SHLD1: variants seen among roughly 807,000 people sequenced by gnomAD.
SHLD1 encodes shieldin complex subunit 1.
Under a neutral mutation model 5.5 loss-of-function variants are expected in SHLD1, and 3 were observed. The observed-to-expected ratio is 0.54, with a 90% CI of 0.25 to 1.40. SHLD1 has a LOEUF of 1.40. Among genes scored for constraint, SHLD1 ranks in the 40% most tolerant of loss-of-function variants. The pLI, the probability that SHLD1 is intolerant of heterozygous loss-of-function variation, is 0.15. For missense variants in SHLD1, 210 were observed against 244.4 expected (o/e 0.86, Z 0.94); for synonymous variants, 92 against 94.3 (o/e 0.98, Z 0.14).
chr20:5,849,850 T>G (rs1005996792), intron 2 of SHLD1, among the ~76,000 whole-genome samples: 11 of 149,360 alleles, frequency 7.4e-5, no homozygotes, highest in Admixed American at 1.3e-4. Flanking sequence ...TCCCAGCTAC[T>G]CGGGAGGCTG....
intron 1 of SHLD1, among the ~76,000 whole-genome samples, chr20:5,768,201 T>C (rs867152333): frequency 2.6e-5 from 4 of 152,200 alleles, no homozygotes; most frequent in Admixed American, 6.5e-5. Context: ...CTGAAACTGC[T>C]GACCTCAGGT....
intron 2 of SHLD1, among the ~76,000 whole-genome samples, chr20:5,784,697 G>A (rs577071378): frequency 4.6e-5 from 7 of 152,216 alleles, no homozygotes; most frequent in African/African-American, 7.2e-5. Context: ...TGATCCGCCC[G>A]CCTCAGCCTC....
At chr20:5,842,013 A>G (rs1447417901) in intron 2 of SHLD1, among the ~76,000 whole-genome samples, 1 of 152,222 alleles carries the variant, frequency 6.6e-6, no homozygotes, top group Non-Finnish European at 1.5e-5. Context: ...ATTTTTATAA[A>G]ACCAACCTAG....
chr20:5,791,665 C>T (rs1288116174), intron 2 of SHLD1, among the ~76,000 whole-genome samples: 1 of 151,150 alleles, frequency 6.6e-6, no homozygotes, highest in African/African-American at 2.4e-5. Flanking sequence ...AAAACCTTTG[C>T]TTTGTGAAAG....
At chr20:5,859,940 A>G (rs945085287) in intron 2 of SHLD1, among the ~76,000 whole-genome samples, 2 of 152,208 alleles carry the variant, frequency 1.3e-5, no homozygotes, top group Non-Finnish European at 2.9e-5. Flanking sequence ...TAAATCCTGC[A>G]TATCAAAGCA....
At chr20:5,847,461 A>G (rs1205702875) in intron 2 of SHLD1, among the ~76,000 whole-genome samples, 1 of 152,306 alleles carries the variant, frequency 6.6e-6, no homozygotes, top group South Asian at 2.1e-4. Context: ...ATCGCTTTCC[A>G]TGTAAGAGAC....
chr20:5,796,878 T>TGCA (rs2087221033), intron 2 of SHLD1, among the ~76,000 whole-genome samples: 1 of 151,530 alleles, frequency 6.6e-6, no homozygotes, highest in African/African-American at 2.4e-5. Flanking sequence ...GATAATTGGC[T>TGCA]GCAGTTTTAC....
intron 2 of SHLD1, among the ~76,000 whole-genome samples, chr20:5,825,854 G>T (rs1176314073): frequency 2.0e-5 from 3 of 152,238 alleles, no homozygotes; most frequent in African/African-American, 7.2e-5. Context: ...GACCTTAAAT[G>T]ATATTGATCA....
intron 2 of SHLD1, among the ~76,000 whole-genome samples, chr20:5,779,788 AGCTTGT>A (rs1051474826): frequency 1.3e-5 from 2 of 152,036 alleles, no homozygotes; most frequent in African/African-American, 4.8e-5. Context: ...ACCTTCATGT[AGCTTGT>A]GCTTGGCTCA....
intron 1 of SHLD1, among the ~76,000 whole-genome samples, chr20:5,764,207 ATTTG>A (rs1164008455): frequency 5.5e-4 from 20 of 36,060 alleles, no homozygotes; most frequent in African/African-American, 2.5e-3. Context: ...ATATATATAT[ATTTG>A]TGTGTGTGTA....
At chr20:5,800,563 A>G (rs568710) in intron 2 of SHLD1, among the ~76,000 whole-genome samples, 136,766 of 152,108 alleles carry the variant, frequency 0.9, 61,565 homozygotes, top group East Asian at 1. Flanking sequence ...GGTGGCAGAC[A>G]CCTGTAATCC....
In SHLD1 at chr20:5,863,475, C is replaced by T. The variant is rs1699232; in HGVS notation, c.*12C>T. The stretch of plus-strand genomic sequence containing the variant: ...TGAAAGACCTGTAACTGGTGCCGGG[C>T]AGTGTGCAGGGTAGTAATGGAGGTG... On this transcript the variant is annotated 3_prime_UTR_variant, in exon 3 of 3. Coordinates refer to ENST00000303142, the MANE Select transcript of SHLD1 (RefSeq NM_152504.4). The T allele has an allele frequency of 0.3, 469,961 of 1,580,424 alleles. 71,777 individuals are homozygous for T. The highest frequency in any genetic ancestry group is 0.45 in the African/African-American group (33,514 of 74,366).
chr20:5,817,038 C>A (rs1232176515), intron 2 of SHLD1, among the ~76,000 whole-genome samples: 1 of 152,086 alleles, frequency 6.6e-6, no homozygotes, highest in Non-Finnish European at 1.5e-5. Context: ...CACTGCACTC[C>A]AGCCTGGGTG....
chr20:5,789,964 A>G (rs982220532), intron 2 of SHLD1, among the ~76,000 whole-genome samples: 1 of 152,210 alleles, frequency 6.6e-6, no homozygotes, highest in Non-Finnish European at 1.5e-5. Context: ...GATTAATAGG[A>G]GGCCACTAAG....
chr20:5,816,904 C>CA (rs2087537241), intron 2 of SHLD1, among the ~76,000 whole-genome samples: 1 of 152,012 alleles, frequency 6.6e-6, no homozygotes, highest in African/African-American at 2.4e-5. Flanking sequence ...CCTGTCTCTA[C>CA]AAAAAATACC....
chr20:5,854,301 C>T (rs1176468363), intron 2 of SHLD1, among the ~76,000 whole-genome samples: 3 of 152,126 alleles, frequency 2.0e-5, no homozygotes. Flanking sequence ...CCACCACACC[C>T]GGCCTTATGT....
chr20:5,751,660 A>G (rs1568483329), intron 1 of SHLD1, among the ~76,000 whole-genome samples: 2 of 152,094 alleles, frequency 1.3e-5, no homozygotes, highest in Non-Finnish European at 2.9e-5. Flanking sequence ...CATGTGTCAG[A>G]CTGTTAGCAA....
At chr20:5,819,863 A>G (rs200710919) in intron 2 of SHLD1, among the ~76,000 whole-genome samples, 1 of 152,220 alleles carries the variant, frequency 6.6e-6, no homozygotes, top group Non-Finnish European at 1.5e-5. Context: ...ACTTGCTAAG[A>G]CAGCCACACC....
chr20:5,856,467 AG>A (rs1437866489), intron 2 of SHLD1, among the ~76,000 whole-genome samples: 68 of 152,086 alleles, frequency 4.5e-4, no homozygotes, highest in Admixed American at 4.3e-3. Flanking sequence ...GGCAGTAGTG[AG>A]GGGGTAGAAG....
Sources: gnomAD v4.1 joint callset for allele counts (sites outside exome capture counted in the v4.1 genomes callset) on GRCh38, gnomAD v4.1.1 for gene constraint, MANE v1.5 for transcripts, NCBI Gene and HGNC (gene_info 2026-07-23, HGNC 2026-07-21) for gene names.